CHRNA7: variants seen among roughly 807,000 people sequenced by gnomAD.
CHRNA7 encodes the protein cholinergic receptor nicotinic alpha 7 subunit.
A neutral mutation model predicts 48.0 loss-of-function variants in CHRNA7; 17 were observed. The ratio of observed to expected loss-of-function variants is 0.35; its 90% CI spans 0.24 to 0.53. The LOEUF (loss-of-function observed/expected upper bound fraction) is 0.53. Ranked by LOEUF, CHRNA7 falls within the 20% of genes least tolerant of loss-of-function variation. The pLI, the probability that CHRNA7 is intolerant of heterozygous loss-of-function variation, is 0.92. For missense variants in CHRNA7, 155 were observed against 577.7 expected, an observed-to-expected ratio of 0.27 and a Z score of 7.50; for synonymous variants, 75 against 242.3, an observed-to-expected ratio of 0.31 and a Z score of 6.41.
At chr15:32,126,220 G>A (rs949142174) in intron 4 of CHRNA7, among the ~76,000 whole-genome samples, 1 of 152,180 alleles carries the variant, frequency 6.6e-6, no homozygotes, top group Non-Finnish European at 1.5e-5. Context: ...GCAGAACGTA[G>A]TATGGATTCT....
At chr15:32,107,201 A>G (rs1450643376) in intron 3 of CHRNA7, among the ~76,000 whole-genome samples, 2 of 152,138 alleles carry the variant, frequency 1.3e-5, no homozygotes, top group Non-Finnish European at 2.9e-5. Flanking sequence ...CACCAATTCA[A>G]TTCATTTCTC....
intron 4 of CHRNA7, among the ~76,000 whole-genome samples, chr15:32,152,865 C>G (rs1566878760): frequency 6.6e-6 from 1 of 152,094 alleles, no homozygotes; most frequent in East Asian, 1.9e-4. Context: ...AAATAAAAGA[C>G]AAGGCTAGTA....
At chr15:32,053,017 A>T (rs2049719727) in intron 2 of CHRNA7, among the ~76,000 whole-genome samples, 1 of 152,174 alleles carries the variant, frequency 6.6e-6, no homozygotes, top group African/African-American at 2.4e-5. Flanking sequence ...AGATATAAAT[A>T]AAAAAATCTG....
At chr15:32,054,695 T>C (rs922567558) in intron 2 of CHRNA7, among the ~76,000 whole-genome samples, 39 of 152,228 alleles carry the variant, frequency 2.6e-4, no homozygotes, top group African/African-American at 8.7e-4. Context: ...ATCTGGCTTT[T>C]TTGGTTCATT....
chr15:32,133,489 A>T (rs867507497), intron 4 of CHRNA7, among the ~76,000 whole-genome samples: 1 of 152,172 alleles, frequency 6.6e-6, no homozygotes, highest in South Asian at 2.1e-4. Context: ...AGAAGGCGGG[A>T]GTAAAACTCG....
intron 2 of CHRNA7, among the ~76,000 whole-genome samples, chr15:32,038,460 C>G (rs2049391381): frequency 6.6e-6 from 1 of 152,008 alleles, no homozygotes; most frequent in Admixed American, 6.6e-5. Context: ...TTGAGCCAGC[C>G]TTGAATATCT....
chr15:32,054,429 G>C lies in CHRNA7; in HGVS notation c.195+23392G>C, dbSNP rs542034000. 2.0e-5 allele frequency among the ~76,000 whole-genome samples: 3 copies of C among 152,130 alleles called. No homozygotes were observed. In the South Asian group the frequency reaches 6.2e-4, roughly 32 times the overall value. ...CGTAGAGAGACACACATCTTATTTT[G>C]GAAGTTATTCTTTAACCCTATTCTA... On this transcript the variant is annotated intron_variant, in intron 2 of 9. Transcript: ENST00000306901.
intron 4 of CHRNA7, among the ~76,000 whole-genome samples, chr15:32,148,490 G>A (rs1277972070): frequency 7.2e-5 from 11 of 152,198 alleles, no homozygotes; most frequent in Admixed American, 7.2e-4. Context: ...CCTAGGATCA[G>A]AGGGCTCTTG....
intron 4 of CHRNA7, among the ~76,000 whole-genome samples, chr15:32,122,429 T>C (rs1189301734): frequency 6.6e-6 from 1 of 152,226 alleles, no homozygotes; most frequent in Non-Finnish European, 1.5e-5. Flanking sequence ...CTTGAAGGAT[T>C]ATGCATTTGA....
intron 2 of CHRNA7, among the ~76,000 whole-genome samples, chr15:32,062,240 C>T (rs1214316163): frequency 6.6e-6 from 1 of 152,198 alleles, no homozygotes; most frequent in Non-Finnish European, 1.5e-5. Context: ...CACTCTCTAC[C>T]TCCACTACCA....
At chr15:32,152,068 T>G (rs150135102) in intron 4 of CHRNA7, among the ~76,000 whole-genome samples, 1 of 152,212 alleles carries the variant, frequency 6.6e-6, no homozygotes, top group Non-Finnish European at 1.5e-5. Context: ...GTACCCAGGG[T>G]TGGTTTTAAT....
intron 4 of CHRNA7, among the ~76,000 whole-genome samples, chr15:32,130,594 AC>A (rs1295530577): frequency 6.7e-6 from 1 of 150,344 alleles, no homozygotes; most frequent in Non-Finnish European, 1.5e-5. Flanking sequence ...GATGTACTTA[AC>A]TTTTTTTTAG....
At chr15:32,123,095 AAG>A (rs1454995985) in intron 4 of CHRNA7, among the ~76,000 whole-genome samples, 1 of 152,232 alleles carries the variant, frequency 6.6e-6, no homozygotes, top group East Asian at 1.9e-4. Context: ...GAAACCAAGA[AAG>A]AGGCAAACCT....
intron 2 of CHRNA7, among the ~76,000 whole-genome samples, chr15:32,097,834 G>A (rs529943969): frequency 6.6e-6 from 1 of 152,330 alleles, no homozygotes; most frequent in East Asian, 1.9e-4. Flanking sequence ...AGTGACTGCT[G>A]TAGGCAGCTC....
chr15:32,089,757 A>G (rs2050353802), intron 2 of CHRNA7, among the ~76,000 whole-genome samples: 1 of 151,818 alleles, frequency 6.6e-6, no homozygotes, highest in Non-Finnish European at 1.5e-5. Context: ...TTGCCTTGTA[A>G]TTTTTCTGTA....
At chr15:32,069,308 C>T (rs1032609912) in intron 2 of CHRNA7, among the ~76,000 whole-genome samples, 36 of 152,170 alleles carry the variant, frequency 2.4e-4, no homozygotes, top group Non-Finnish European at 4.3e-4. Context: ...GGATATTTAT[C>T]CAATGAAATA....
chr15:32,142,492 A>G (rs1468971324), intron 4 of CHRNA7, among the ~76,000 whole-genome samples: 1 of 152,192 alleles, frequency 6.6e-6, no homozygotes, highest in Non-Finnish European at 1.5e-5. Context: ...TTCCGAAGAA[A>G]TGGTACCGGC....
intron 2 of CHRNA7, among the ~76,000 whole-genome samples, chr15:32,095,322 G>A (rs2050450065): frequency 6.6e-6 from 1 of 152,136 alleles, no homozygotes; most frequent in African/African-American, 2.4e-5. Flanking sequence ...TCTCCTTAAC[G>A]TTATTGAAGA....
At chr15:32,049,524 T>C (rs1368485214) in intron 2 of CHRNA7, among the ~76,000 whole-genome samples, 1 of 152,218 alleles carries the variant, frequency 6.6e-6, no homozygotes, top group Non-Finnish European at 1.5e-5. Context: ...TCCTTTAATT[T>C]TGAGGCTATG....
Sources: allele counts gnomAD v4.1 joint callset (sites outside exome capture counted in the v4.1 genomes callset), GRCh38; gene constraint gnomAD v4.1.1; transcripts MANE v1.5; gene names NCBI Gene and HGNC (gene_info 2026-07-23, HGNC 2026-07-21).